Variants in PARD3B observed in about 807,000 individuals in gnomAD.
The protein encoded by PARD3B is partitioning defective 3 homolog B.
PARD3B carries 103 observed loss-of-function variants against 130.2 expected under a neutral mutation model. The ratio of observed to expected loss-of-function variants is 0.79; its 90% confidence interval spans 0.67 to 0.93. The LOEUF is 0.93. PARD3B is among the 40% of genes least tolerant of loss of function. PARD3B has a pLI of 0.00. For synonymous variants in PARD3B, 583 were observed against 553.2 expected, an observed-to-expected ratio of 1.05 and a Z score of -0.76; for missense variants, 1,609 against 1,499.2, an observed-to-expected ratio of 1.07 and a Z score of -1.21.
chr2:204,749,269 T>C (rs559149322), intron 2 of PARD3B, among the ~76,000 whole-genome samples: 27 of 152,268 alleles, frequency 1.8e-4, no homozygotes, highest in African/African-American at 5.8e-4. Flanking sequence ...AGAGAACTCA[T>C]TTTAATGACT....
chr2:205,007,582 C>A (rs141003717), intron 3 of PARD3B, among the ~76,000 whole-genome samples: 39 of 152,244 alleles, frequency 2.6e-4, no homozygotes, highest in Admixed American at 8.5e-4. Flanking sequence ...TGAGTATAGC[C>A]TTGTAGTGTA....
intron 2 of PARD3B, among the ~76,000 whole-genome samples, chr2:204,798,092 C>T (rs139774024): frequency 1.3e-5 from 2 of 152,176 alleles, no homozygotes; most frequent in Admixed American, 6.5e-5. Flanking sequence ...AAAAATCAGG[C>T]GAGCAATCCC....
chr2:204,649,663 GA>G (rs545213640), intron 1 of PARD3B, among the ~76,000 whole-genome samples: 3 of 152,006 alleles, frequency 2.0e-5, no homozygotes, highest in African/African-American at 7.2e-5. Context: ...AAGCAATGGG[GA>G]AAAAACTCCC....
intron 2 of PARD3B, among the ~76,000 whole-genome samples, chr2:204,814,462 A>G (rs1313318665): frequency 6.6e-6 from 1 of 151,834 alleles, no homozygotes; most frequent in Non-Finnish European, 1.5e-5. Flanking sequence ...ATGTATGTAA[A>G]TATTTTTTCT....
At chr2:204,584,143 C>CAG (rs1195927573) in intron 1 of PARD3B, among the ~76,000 whole-genome samples, 3 of 152,120 alleles carry the variant, frequency 2.0e-5, no homozygotes, top group Admixed American at 6.6e-5. Flanking sequence ...TCTTAGTGGG[C>CAG]AGAGGAGAGA....
chr2:205,191,390 AG>A (rs1333803800), intron 14 of PARD3B, among the ~76,000 whole-genome samples: 2 of 152,188 alleles, frequency 1.3e-5, no homozygotes, highest in African/African-American at 2.4e-5. Context: ...ATTTTCCTAC[AG>A]GGGCCACTCT....
Position 205,401,084 on chromosome 2 carries a change from G to A in PARD3B, c.2702G>A (p.Arg901Lys). ...QKGTLKHGGL[R>K]EEELEKMKEE... ...GGTACTCTGAAACATGGTGGCCTGA[G>A]AGAAGAAGAGCTGGAGAAAATGAAA... The change falls in exon 19 of 23, where the codon AGA (arginine) becomes AAA (lysine). Residue 901 changes from arginine to lysine, a missense_variant. Arg to Lys is a conservative substitution (Grantham distance 26). Transcript: ENST00000406610. 1 of 1,601,990 alleles carries A rather than the reference G, an allele frequency of 6.2e-7. No individual in the cohort carries two copies. The highest frequency in any genetic ancestry group is 8.5e-7 in the Non-Finnish European group (1 of 1,174,234).
intron 1 of PARD3B, among the ~76,000 whole-genome samples, chr2:204,655,734 A>C (rs1380783672): frequency 6.6e-6 from 1 of 152,082 alleles, no homozygotes; most frequent in Non-Finnish European, 1.5e-5. Flanking sequence ...GGATTAAAGG[A>C]GGTCAGCATA....
Position 204,964,671 on chromosome 2 carries a change from G to T in PARD3B, c.223-481G>T, listed in dbSNP as rs187098651. Among the ~76,000 whole-genome samples the T allele has an allele frequency of 5.3e-4, 81 of 152,266 alleles. 1 individual carries two copies. The East Asian group carries it at 0.014, about 27-fold the overall frequency. ...ATGTATGTATGTATATATGTATGTA[G>T]AGTGTATCTACAGGGACAGATACAA... On this transcript the variant is annotated intron_variant, in intron 2 of 22. Transcript: ENST00000406610.
At chr2:205,282,487 GTGTATATATATATTTA>G (rs1221939988) in intron 16 of PARD3B, among the ~76,000 whole-genome samples, 1 of 130,900 alleles carries the variant, frequency 7.6e-6, no homozygotes, top group Non-Finnish European at 1.6e-5. Context: ...ATTTGTATGT[GTGTATATATATATTTA>G]TGTGTATATA....
chr2:205,180,596 T>G (rs2035734345), intron 13 of PARD3B, among the ~76,000 whole-genome samples: 1 of 152,116 alleles, frequency 6.6e-6, no homozygotes, highest in South Asian at 2.1e-4. Flanking sequence ...TTTTTTTTTT[T>G]TCTTTCCTTT....
intron 2 of PARD3B, among the ~76,000 whole-genome samples, chr2:204,704,946 C>A (rs1222867376): frequency 6.6e-6 from 1 of 152,090 alleles, no homozygotes; most frequent in East Asian, 1.9e-4. Flanking sequence ...TGGAGCGAGG[C>A]ATTATGTAGT....
At chr2:204,955,663 A>G (rs943282379) in intron 2 of PARD3B, among the ~76,000 whole-genome samples, 2 of 152,242 alleles carry the variant, frequency 1.3e-5, no homozygotes, top group Non-Finnish European at 2.9e-5. Context: ...AATGGGAATA[A>G]CAGTGGATTT....
chr2:205,148,953 G>A (rs1226408286), intron 10 of PARD3B, among the ~76,000 whole-genome samples: 1 of 152,178 alleles, frequency 6.6e-6, no homozygotes, highest in Admixed American at 6.5e-5. Flanking sequence ...TCAGGTCTGA[G>A]CTGGGCTTCT....
chr2:205,401,716 T>A (rs2046258711), intron 19 of PARD3B, among the ~76,000 whole-genome samples: 1 of 152,176 alleles, frequency 6.6e-6, no homozygotes, highest in Non-Finnish European at 1.5e-5. Flanking sequence ...GGACAAGAGG[T>A]CCTTCACGTA....
intron 1 of PARD3B, among the ~76,000 whole-genome samples, chr2:204,613,548 C>G (rs570416053): frequency 6.6e-6 from 1 of 152,004 alleles, no homozygotes; most frequent in South Asian, 2.1e-4. Context: ...TCTGTTATTG[C>G]GTTTTGGACC....
intron 16 of PARD3B, among the ~76,000 whole-genome samples, chr2:205,279,402 T>G (rs997126978): frequency 1.3e-5 from 2 of 152,208 alleles, no homozygotes; most frequent in Admixed American, 1.3e-4. Context: ...GTCCTATTCA[T>G]GGATTTCATC....
chr2:204,987,425 C>G (rs918496872), intron 3 of PARD3B, among the ~76,000 whole-genome samples: 4 of 152,032 alleles, frequency 2.6e-5, no homozygotes, highest in Non-Finnish European at 4.4e-5. Flanking sequence ...ATGGTATTAC[C>G]TTTGTCAAAG....
chr2:204,600,030 T>C (rs1307540267), intron 1 of PARD3B, among the ~76,000 whole-genome samples: 1 of 151,826 alleles, frequency 6.6e-6, no homozygotes, highest in African/African-American at 2.4e-5. Context: ...ATTTTTAAAT[T>C]GGATTTTTTT....
Sources: gnomAD v4.1 joint callset for allele counts (sites outside exome capture counted in the v4.1 genomes callset) on GRCh38, gnomAD v4.1.1 for gene constraint, MANE v1.5 for transcripts, NCBI Gene and HGNC (gene_info 2026-07-23, HGNC 2026-07-21) for gene names.